The following NPNT variants were observed in gnomAD, a reference collection of about 807,000 sequenced individuals.
NPNT encodes the protein nephronectin, also known as preosteoblast EGF-like repeat protein with MAM domain.
NPNT carries 45 observed loss-of-function variants against 68.6 expected under a neutral mutation model. The ratio of observed to expected loss-of-function variants is 0.66; its 90% CI spans 0.52 to 0.84. The LOEUF (loss-of-function observed/expected upper bound fraction) is 0.84, where lower values mean the gene tolerates loss of function less well. Among genes scored for constraint, NPNT ranks in the 40% least tolerant of loss-of-function variants. The pLI, the probability that NPNT is intolerant of heterozygous loss-of-function variation, is 0.00. For synonymous variants in NPNT, 233 were observed against 253.3 expected, an observed-to-expected ratio of 0.92 and a Z score of 0.76; for missense variants, 672 against 714.8, an observed-to-expected ratio of 0.94 and a Z score of 0.68.
At chr4:105,958,866 GA>G in intron 9 of NPNT, 161 bp from the exon 10 acceptor site, 1 of 599,698 alleles carries the variant, frequency 1.7e-6, no homozygotes, top group East Asian at 2.8e-5. Flanking sequence ...CTATTGTGCT[GA>G]GAAAAGATTA....
chr4:105,943,449 A>T (rs1730148561), intron 8 of NPNT, among the ~76,000 whole-genome samples: 1 of 151,980 alleles, frequency 6.6e-6, no homozygotes, highest in Non-Finnish European at 1.5e-5. Context: ...TACCCCTTGG[A>T]TTGCTGTAAA....
At chr4:105,905,634 T>A (rs2149322384) in intron 2 of NPNT, among the ~76,000 whole-genome samples, 1 of 152,330 alleles carries the variant, frequency 6.6e-6, no homozygotes, top group East Asian at 1.9e-4. Context: ...CATGAATGAA[T>A]GTACTATAAT....
intron 2 of NPNT, among the ~76,000 whole-genome samples, chr4:105,925,843 C>A (rs1728637238): frequency 6.6e-6 from 1 of 152,168 alleles, no homozygotes; most frequent in Non-Finnish European, 1.5e-5. Flanking sequence ...CATACCATCA[C>A]CAGAGCTTTG....
chr4:105,968,799 T>C, intron 11 of NPNT, 96 bp from the exon 12 acceptor site: 2 of 644,574 alleles, frequency 3.1e-6, no homozygotes, highest in Non-Finnish European at 5.5e-6. Flanking sequence ...AAGTTTAAAA[T>C]TGGTTTGGGG....
chr4:105,960,060 T>TAG (rs1228489530), intron 10 of NPNT, among the ~76,000 whole-genome samples: 1 of 152,218 alleles, frequency 6.6e-6, no homozygotes, highest in East Asian at 1.9e-4. Flanking sequence ...TCTGCCCGCC[T>TAG]TGGCCTCCCA....
At chr4:105,937,235 T>C in intron 4 of NPNT, 107 bp downstream of exon 4, 26 of 1,050,644 alleles carry the variant, frequency 2.5e-5, no homozygotes, top group Non-Finnish European at 3.6e-5. Context: ...CTAAACAAGA[T>C]GTGTGCGTGT....
In NPNT at chr4:105,942,612, A is replaced by G. The variant is rs370136868; in HGVS notation, c.1069A>G (p.Ile357Val). 14 of 1,613,912 alleles carry G rather than the reference A, an allele frequency of 8.7e-6. No homozygotes were observed. Among genetic ancestry groups the G allele is most frequent in the South Asian group, 2.2e-5 (2 of 91,072 alleles). The change falls in exon 8 of 12, where the codon ATA becomes GTA. Residue 357 changes from isoleucine (I) to valine (V), a missense_variant. Physicochemically the swap from Ile to Val is conservative, Grantham distance 29 (BLOSUM62 3). Coordinates refer to ENST00000379987, the MANE Select transcript of NPNT (RefSeq NM_001033047.3). ...AAGGCCAACCACCGGACTGACAACT[A>G]TAGCACCAGCTGCCAGTACACCTCC... is the stretch of plus-strand genomic sequence containing the variant. Reference protein sequence around the residue: ...PERPTTGLTTIAPAASTPPGG... With the variant: ...PERPTTGLTTVAPAASTPPGG...
intron 10 of NPNT, 126 bp from the exon 11 acceptor site, chr4:105,967,062 T>C: frequency 1.1e-6 from 1 of 878,806 alleles, no homozygotes. Context: ...ATATTTTTCT[T>C]CTTCAAAAAT....
chr4:105,955,806 C>CA (rs5860818), intron 8 of NPNT, among the ~76,000 whole-genome samples: 15,342 of 151,654 alleles, frequency 0.1, 946 homozygotes, highest in African/African-American at 0.17. Flanking sequence ...TAAAGTGTAT[C>CA]GGGGGTGGGT....
chr4:105,930,810 G>A (rs1729052430), intron 3 of NPNT, among the ~76,000 whole-genome samples: 1 of 152,152 alleles, frequency 6.6e-6, no homozygotes, highest in Admixed American at 6.5e-5. Context: ...AGTGCCTTTA[G>A]AGCTGCCTGG....
intron 2 of NPNT, among the ~76,000 whole-genome samples, chr4:105,906,574 G>A (rs747597760): frequency 6.6e-6 from 1 of 152,210 alleles, no homozygotes; most frequent in Non-Finnish European, 1.5e-5. Flanking sequence ...GACAGCTCTG[G>A]ATTAGACAAG....
In NPNT at chr4:105,958,549, A is replaced by T; in HGVS notation, c.1238A>T (p.Asp413Val). The T allele has an allele frequency of 6.3e-7, 1 of 1,584,302 alleles. No individual in the cohort carries two copies. Among genetic ancestry groups the T allele is most frequent in the Non-Finnish European group, 8.7e-7 (1 of 1,154,456 alleles). ...GTCAGTGCAGACGATGAAGCAAAGG[A>T]TGATCCAGGTGACACTTACACTCTT... is the stretch of plus-strand genomic sequence containing the variant. Reference protein sequence around the residue: ...RGVSADDEAKDDPGVLVHSCN... With the variant: ...RGVSADDEAKVDPGVLVHSCN... Residue 413 changes from aspartate (D) to valine (V), a missense_variant, in exon 9 of 12, where the codon GAT (aspartate) becomes GTT (valine). Physicochemically the swap from Asp to Val is radical, Grantham distance 152. Transcript: ENST00000379987.
In NPNT at chr4:105,940,692, A is replaced by G. The variant is rs942873681; in HGVS notation, c.763+56A>G. 4.7e-6 allele frequency: 7 copies of G among 1,483,840 alleles called. No homozygotes were observed. In the African/African-American group the frequency reaches 6.9e-5, roughly 15 times the overall value. 91.9% of individuals were successfully genotyped at this position (1,483,840 alleles called of 1,614,324 possible). A position where few individuals can be genotyped will look rare whatever the true frequency, so the allele number is the denominator to read the frequency against. ...TCTAGCAGGAAATACAGGATTACAC[A>G]AAGGCCATTGCTAGGGAAAATAAGG... is the stretch of plus-strand genomic sequence containing the variant. On this transcript the variant is annotated intron_variant, in intron 7 of 11. Coordinates refer to ENST00000379987, the MANE Select transcript of NPNT (RefSeq NM_001033047.3).
intron 2 of NPNT, among the ~76,000 whole-genome samples, chr4:105,925,971 C>T (rs1029596687): frequency 6.6e-6 from 1 of 152,192 alleles, no homozygotes; most frequent in Non-Finnish European, 1.5e-5. Context: ...GGAACATAAT[C>T]ATCTGATACC....
intron 3 of NPNT, among the ~76,000 whole-genome samples, chr4:105,936,234 CTTTT>C: frequency 6.6e-6 from 1 of 152,070 alleles, no homozygotes; most frequent in East Asian, 1.9e-4. Context: ...TTCCATATGC[CTTTT>C]TTAACTGCGG....
chr4:105,919,133 T>A (rs923685630), intron 2 of NPNT, among the ~76,000 whole-genome samples: 1 of 152,160 alleles, frequency 6.6e-6, no homozygotes, highest in Admixed American at 6.6e-5. Flanking sequence ...TACTCCTTTT[T>A]ATATATTTCT....
In NPNT at chr4:105,971,119, C is replaced by T; in HGVS notation, c.*2129C>T. 1 of 447,554 alleles carries T rather than the reference C, an allele frequency of 2.2e-6. No individual in the cohort carries two copies. The allele number at this position is 447,554 out of a possible 1,614,324, so 27.7% of individuals were successfully genotyped here. On this transcript the variant is annotated 3_prime_UTR_variant, in exon 12 of 12. Transcript: ENST00000379987. ...CAGATTTTTTTTTTTTTAAGAGATCCTTCAAGGAACACAGTTCAGAGAGAT... is the reference window on the plus strand; with the variant it reads ...CAGATTTTTTTTTTTTTAAGAGATCTTTCAAGGAACACAGTTCAGAGAGAT...
Position 105,958,548 on chromosome 4 carries a change from G to A in NPNT, c.1237G>A (p.Asp413Asn). ...AGTCAGTGCAGACGATGAAGCAAAGGATGATCCAGGTGACACTTACACTCT... is the reference window on the plus strand; with the variant it reads ...AGTCAGTGCAGACGATGAAGCAAAGAATGATCCAGGTGACACTTACACTCT... Reference protein sequence around the residue: ...RGVSADDEAKDDPGVLVHSCN... With the variant: ...RGVSADDEAKNDPGVLVHSCN... The change falls in exon 9 of 12, where the codon GAT (aspartate) becomes AAT (asparagine). Residue 413 changes from aspartate (D) to asparagine (N), a missense_variant. Coordinates refer to ENST00000379987, the MANE Select transcript of NPNT (RefSeq NM_001033047.3). The A allele has an allele frequency of 6.3e-7, 1 of 1,583,610 alleles. No individual in the cohort carries two copies.
intron 4 of NPNT, among the ~76,000 whole-genome samples, chr4:105,937,493 C>T (rs1268173712): frequency 6.7e-6 from 1 of 148,764 alleles, no homozygotes; most frequent in Non-Finnish European, 1.5e-5. Context: ...TATTTAGGGA[C>T]TGCTCAGACA....
Sources: allele counts gnomAD v4.1 joint callset (sites outside exome capture counted in the v4.1 genomes callset), GRCh38; gene constraint gnomAD v4.1.1; transcripts MANE v1.5; gene names NCBI Gene and HGNC (gene_info 2026-07-23, HGNC 2026-07-21).